The following AKAP7 variants were observed in gnomAD, a reference collection of about 807,000 sequenced individuals.
The protein encoded by AKAP7 is A kinase (PRKA) anchor protein 7.
AKAP7 carries 39 observed loss-of-function variants against 39.5 expected under a neutral mutation model. That is an observed-to-expected ratio of 0.99 (90% CI 0.76 to 1.29). The LOEUF is 1.29. Ranked by LOEUF, AKAP7 falls within the 50% of genes most tolerant of loss-of-function variation. AKAP7 has a pLI of 0.00. For synonymous variants in AKAP7, 140 were observed against 139.1 expected (o/e 1.01, Z -0.05); for missense variants, 414 against 407.7 (o/e 1.02, Z -0.13).
intron 7 of AKAP7, among the ~76,000 whole-genome samples, chr6:131,241,009 C>T (rs147052757): frequency 9.2e-5 from 14 of 152,338 alleles, no homozygotes; most frequent in Admixed American, 2.6e-4. Flanking sequence ...TCTTCTGCGT[C>T]GCTCACGCTG....
chr6:131,187,916 G>C (rs1189980880), intron 5 of AKAP7, among the ~76,000 whole-genome samples: 1 of 152,164 alleles, frequency 6.6e-6, no homozygotes, highest in South Asian at 2.1e-4. Flanking sequence ...GATAAGAAGG[G>C]ACCTGAGAGA....
chr6:131,195,846 CT>C (rs1257946474), intron 5 of AKAP7, among the ~76,000 whole-genome samples: 2 of 152,212 alleles, frequency 1.3e-5, no homozygotes, highest in East Asian at 3.9e-4. Flanking sequence ...TTATTTGCTT[CT>C]TTTTACTTGC....
At chr6:131,150,576 C>T (rs560723463) in intron 2 of AKAP7, among the ~76,000 whole-genome samples, 29 of 151,874 alleles carry the variant, frequency 1.9e-4, no homozygotes, top group Non-Finnish European at 3.4e-4. Context: ...ATATCTGCCC[C>T]AAATAACATA....
chr6:131,126,200 A>T, the AKAP7 span, among the ~76,000 whole-genome samples: 1 of 152,178 alleles, frequency 6.6e-6, no homozygotes, highest in Non-Finnish European at 1.5e-5. Context: ...GGTTGCTCAG[A>T]TTATTTACAT....
At chr6:131,240,946 G>A (rs1369202133) in intron 7 of AKAP7, among the ~76,000 whole-genome samples, 1 of 151,870 alleles carries the variant, frequency 6.6e-6, no homozygotes, top group Non-Finnish European at 1.5e-5. Flanking sequence ...ACTGTCCGAC[G>A]CTCCCCAGTG....
intron 1 of AKAP7, among the ~76,000 whole-genome samples, chr6:131,141,927 G>T (rs1212009588): frequency 2.0e-5 from 3 of 147,716 alleles, no homozygotes; most frequent in African/African-American, 5.0e-5. Context: ...TTGCAACAGG[G>T]TCTCACTCTG....
chr6:131,249,840 A>G (rs1407856298), intron 7 of AKAP7, among the ~76,000 whole-genome samples: 1 of 152,188 alleles, frequency 6.6e-6, no homozygotes, highest in Non-Finnish European at 1.5e-5. Flanking sequence ...TTGATGGTAT[A>G]ATTTCAAAAT....
At chr6:131,219,598 G>A (rs919650218) in intron 6 of AKAP7, 63 bp from the exon 7 acceptor site, 10 of 1,431,632 alleles carry the variant, frequency 7.0e-6, no homozygotes, top group Non-Finnish European at 8.6e-6. Context: ...AGAAAGTGAT[G>A]TAGTTATGAA....
At chr6:131,197,384 T>C (rs2128279193) in intron 5 of AKAP7, among the ~76,000 whole-genome samples, 1 of 152,288 alleles carries the variant, frequency 6.6e-6, no homozygotes, top group Middle Eastern at 3.4e-3. Context: ...TAATAGTTGC[T>C]ACCCAGATTA....
At chr6:131,145,853 CAA>C (rs1269389496) in intron 2 of AKAP7, among the ~76,000 whole-genome samples, 1 of 152,046 alleles carries the variant, frequency 6.6e-6, no homozygotes, top group African/African-American at 2.4e-5. Context: ...CGTGCCGCGC[CAA>C]GTCTTGTTTT....
At chr6:131,226,756 A>G (rs991121726) in intron 7 of AKAP7, among the ~76,000 whole-genome samples, 1 of 152,176 alleles carries the variant, frequency 6.6e-6, no homozygotes, top group African/African-American at 2.4e-5. Flanking sequence ...GGAAAGGTCT[A>G]GACGTTTTTT....
At chr6:131,184,762 G>T in intron 5 of AKAP7, 1 of 1,109,052 alleles carries the variant, frequency 9.0e-7, no homozygotes, top group Non-Finnish European at 1.4e-6. Context: ...AGGAGTGGGT[G>T]GTTGGGAGTC....
chr6:131,185,224 C>A, intron 5 of AKAP7: 2 of 473,774 alleles, frequency 4.2e-6, no homozygotes, highest in Non-Finnish European at 8.1e-6. Context: ...AATTGTGGAT[C>A]TTCACAGGGG....
At chr6:131,192,100 C>T (rs1806467827) in intron 5 of AKAP7, among the ~76,000 whole-genome samples, 2 of 151,974 alleles carry the variant, frequency 1.3e-5, no homozygotes, top group Admixed American at 6.6e-5. Flanking sequence ...TTGGTGTAAT[C>T]TCATTTATTT....
chr6:131,268,808 G>A (rs1053846517), intron 7 of AKAP7, among the ~76,000 whole-genome samples: 4 of 152,106 alleles, frequency 2.6e-5, no homozygotes, highest in African/African-American at 9.7e-5. Context: ...ATGCTTTTAA[G>A]TTTTAGGTAA....
chr6:131,224,751 T>C (rs1330793529), intron 7 of AKAP7, among the ~76,000 whole-genome samples: 2 of 139,002 alleles, frequency 1.4e-5, no homozygotes, highest in African/African-American at 5.4e-5. Context: ...TTTTTTTTTT[T>C]TTTTTTTTGA....
At chr6:131,144,307 A>C (rs1057200367) in intron 1 of AKAP7, among the ~76,000 whole-genome samples, 3 of 152,106 alleles carry the variant, frequency 2.0e-5, no homozygotes, top group Non-Finnish European at 4.4e-5. Flanking sequence ...GTGGCGGGGC[A>C]GAGGGGCTCC....
intron 7 of AKAP7, chr6:131,253,095 T>C (rs757833544): frequency 1.3e-5 from 21 of 1,612,968 alleles, no homozygotes; most frequent in East Asian, 6.7e-5. Flanking sequence ...ATATACCCAG[T>C]TGGTCAAGTG....
At chr6:131,147,867 G>C (rs1418191675) in intron 2 of AKAP7, among the ~76,000 whole-genome samples, 2 of 152,158 alleles carry the variant, frequency 1.3e-5, no homozygotes, top group African/African-American at 4.8e-5. Context: ...TTTATACATA[G>C]CTTACATATA....
Sources: allele counts gnomAD v4.1 joint callset (sites outside exome capture counted in the v4.1 genomes callset), GRCh38; gene constraint gnomAD v4.1.1; transcripts MANE v1.5; gene names NCBI Gene and HGNC (gene_info 2026-07-23, HGNC 2026-07-21).